RBMS2: variants seen among roughly 807,000 people sequenced by gnomAD.
The protein encoded by RBMS2 is RNA binding motif single stranded interacting protein 2.
In RBMS2, 38 loss-of-function variants were observed where a neutral mutation model predicts 58.4. That is an observed-to-expected ratio of 0.65 (90% CI 0.50 to 0.85). The LOEUF (loss-of-function observed/expected upper bound fraction) is 0.85, where lower values mean the gene tolerates loss of function less well. Ranked by LOEUF, RBMS2 falls within the 40% of genes least tolerant of loss-of-function variation. The probability of loss-of-function intolerance (pLI) is 0.00; values close to 1 mark genes in which losing one functional copy is unlikely to be tolerated. For missense variants in RBMS2, 367 were observed against 503.7 expected, an observed-to-expected ratio of 0.73 and a Z score of 2.60; for synonymous variants, 151 against 180.7, an observed-to-expected ratio of 0.84 and a Z score of 1.32.
chr12:56,581,478 T>G lies in RBMS2; in HGVS notation c.702T>G (p.Asn234Lys). 6.2e-7 allele frequency: 1 copy of G among 1,614,164 alleles called. No individual in the cohort carries two copies. Residue 234 changes from asparagine to lysine, a missense_variant, in exon 7 of 14, where the codon AAT (asparagine) becomes AAG (lysine). Physicochemically the swap from Asn to Lys is moderately conservative, Grantham distance 94 (BLOSUM62 0). Around this residue, in one of 3 missense-constraint regions of RBMS2, gnomAD observed 220 missense variants for 261.1 expected, o/e 0.84. Coordinates refer to ENST00000262031, the MANE Select transcript of RBMS2 (RefSeq NM_002898.4). ...KRQNQGKFVQ[N>K]GRAWPRNADM... ...AGAACCAAGGAAAATTTGTGCAAAA[T>G]GGACGGGCTTGGCCAAGGAATGCAG...
chr12:56,532,484 G>A (rs11171885), intron 1 of RBMS2, among the ~76,000 whole-genome samples: 62,816 of 151,300 alleles, frequency 0.42, 14,722 homozygotes, highest in East Asian at 0.59. Context: ...GGAGGTTGCA[G>A]TGAGCAAAGA....
chr12:56,575,511 A>T (rs1882979384), intron 5 of RBMS2, among the ~76,000 whole-genome samples: 1 of 151,820 alleles, frequency 6.6e-6, no homozygotes, highest in African/African-American at 2.4e-5. Flanking sequence ...GGATGGAGCT[A>T]TGGGCCCATA....
At chr12:56,575,555 C>T (rs1882990134) in intron 5 of RBMS2, among the ~76,000 whole-genome samples, 1 of 151,674 alleles carries the variant, frequency 6.6e-6, no homozygotes. Flanking sequence ...CCCCTTACCC[C>T]TACACCCCCC....
intron 5 of RBMS2, among the ~76,000 whole-genome samples, chr12:56,576,809 G>T (rs902368456): frequency 1.3e-5 from 2 of 152,032 alleles, no homozygotes; most frequent in African/African-American, 4.8e-5. Context: ...GGGAGGCTGA[G>T]GTGGGCGGAT....
At chr12:56,523,451 G>C (rs1232528584) in intron 1 of RBMS2, among the ~76,000 whole-genome samples, 1 of 152,104 alleles carries the variant, frequency 6.6e-6, no homozygotes, top group Non-Finnish European at 1.5e-5. Flanking sequence ...GTAACATGTT[G>C]TATACCTTAA....
rs71081373 is a variant in RBMS2 at position 56,530,350 on chromosome 12, C to CTTTTTT, written c.66+8284_66+8289dup. Among the ~76,000 whole-genome samples the CTTTTTT allele has an allele frequency of 6.3e-5, 4 of 63,772 alleles. 1 individual carries two copies. Among genetic ancestry groups the CTTTTTT allele is most frequent in the Non-Finnish European group, 9.3e-5 (3 of 32,258 alleles). 41.8% of individuals were successfully genotyped at this position (63,772 alleles called of 152,430 possible). A position where few individuals can be genotyped will look rare whatever the true frequency, so the allele number is the denominator to read the frequency against. ...CTGTCAAGAGAGAATTTTCTTTTTC[C>CTTTTTT]TTTTTTTTTTTTTTTTTTTTTTTTT... is the stretch of plus-strand genomic sequence containing the variant. On this transcript the variant is annotated intron_variant, in intron 1 of 13. Transcript: ENST00000262031.
intron 9 of RBMS2, among the ~76,000 whole-genome samples, chr12:56,585,113 G>T (rs1884512328): frequency 6.6e-6 from 1 of 152,160 alleles, no homozygotes; most frequent in Non-Finnish European, 1.5e-5. Flanking sequence ...GTGAGCCACT[G>T]CGCCCGGCTA....
intron 1 of RBMS2, among the ~76,000 whole-genome samples, chr12:56,549,687 A>G (rs1877880991): frequency 6.6e-6 from 1 of 152,110 alleles, no homozygotes; most frequent in African/African-American, 2.4e-5. Context: ...CTAGTTTGAA[A>G]TGGTTCTCAA....
In RBMS2 at chr12:56,581,423, A is replaced by G. The variant is rs575794871; in HGVS notation, c.647A>G (p.Lys216Arg). The G allele has an allele frequency of 3.7e-6, 6 of 1,614,190 alleles. No homozygotes were observed. Among genetic ancestry groups the G allele is most frequent in the South Asian group, 3.3e-5 (3 of 91,072 alleles). The change falls in exon 7 of 14, where the codon AAA becomes AGA. Residue 216 changes from lysine to arginine, a missense_variant. Lys to Arg is a conservative substitution (Grantham distance 26). Around this residue, in one of 3 missense-constraint regions of RBMS2, gnomAD observed 220 missense variants for 261.1 expected, o/e 0.84. Coordinates refer to ENST00000262031, the MANE Select transcript of RBMS2 (RefSeq NM_002898.4). The stretch of plus-strand genomic sequence containing the variant: ...GCCCCATCCGATCCCTTGCTTTGCA[A>G]ATTTGCTGATGGCGGGCCAAAGAAA... Reference protein sequence around the residue: ...VPAPSDPLLCKFADGGPKKRQ... With the variant: ...VPAPSDPLLCRFADGGPKKRQ...
chr12:56,554,782 G>A (rs1878928755), intron 1 of RBMS2, among the ~76,000 whole-genome samples: 1 of 152,102 alleles, frequency 6.6e-6, no homozygotes, highest in African/African-American at 2.4e-5. Context: ...ATTAACAGTG[G>A]TAGTGGCGGT....
In RBMS2 at chr12:56,594,938, A is replaced by ACTC. The variant is rs535216898; in HGVS notation, c.*5806_*5808dup. The ACTC allele has an allele frequency of 1.2e-3, 175 of 152,076 alleles. No homozygotes were observed. Among genetic ancestry groups the ACTC allele is most frequent in the African/African-American group, 4.1e-3 (170 of 41,414 alleles). 9.4% of individuals were successfully genotyped at this position (152,076 alleles called of 1,614,324 possible). A position where few individuals can be genotyped will look rare whatever the true frequency, so the allele number is the denominator to read the frequency against. On this transcript the variant is annotated 3_prime_UTR_variant, in exon 14 of 14. Coordinates refer to ENST00000262031, the MANE Select transcript of RBMS2 (RefSeq NM_002898.4). ...GCTAGAAAAGGCTCATAATTTTTAA[A>ACTC]CTCTTGGGAATTAAACTTGGGAATT... is the stretch of plus-strand genomic sequence containing the variant.
chr12:56,581,506 A>G lies in RBMS2; in HGVS notation c.730A>G (p.Met244Val). 2 of 1,612,778 alleles carry G rather than the reference A, an allele frequency of 1.2e-6. No individual in the cohort carries two copies. Among genetic ancestry groups the G allele is most frequent in the Non-Finnish European group, 1.7e-6 (2 of 1,178,722 alleles). The stretch of plus-strand genomic sequence containing the variant: ...ACGGGCTTGGCCAAGGAATGCAGAC[A>G]TGGTAAGAGGACCTCTGAGGAGACA... ...NGRAWPRNAD[M>V]GVMALTYDPT... The change falls in exon 7 of 14, where the codon ATG becomes GTG. Residue 244 changes from methionine to valine, a missense_variant and splice_region_variant. By Grantham distance (21) the Met-to-Val change is conservative (BLOSUM62 1). Transcript: ENST00000262031.
intron 1 of RBMS2, among the ~76,000 whole-genome samples, chr12:56,561,765 C>G (rs540390511): frequency 2.5e-4 from 16 of 63,520 alleles, no homozygotes; most frequent in South Asian, 1.8e-3. Flanking sequence ...TCCACCCCCC[C>G]CCTCCTTGGC....
In RBMS2 at chr12:56,589,486, A is replaced by C; in HGVS notation, c.*353A>C. 3.9e-6 allele frequency: 1 copy of C among 256,898 alleles called. No homozygotes were observed. The allele number at this position is 256,898 out of a possible 1,614,324, so 15.9% of individuals were successfully genotyped here. A position where few individuals can be genotyped will look rare whatever the true frequency, so the allele number is the denominator to read the frequency against. ...GTGGTCGCAGCTTCTCATCTATATG[A>C]AAAAGTTTTCGATGTATTGGAATTA... On this transcript the variant is annotated 3_prime_UTR_variant, in exon 14 of 14. Coordinates refer to ENST00000262031, the MANE Select transcript of RBMS2 (RefSeq NM_002898.4).
chr12:56,584,846 C>T (rs1350498686), intron 9 of RBMS2, among the ~76,000 whole-genome samples: 2 of 146,088 alleles, frequency 1.4e-5, no homozygotes, highest in Non-Finnish European at 3.0e-5. Flanking sequence ...TTTTTGTGAC[C>T]GAGTTTCGCT....
chr12:56,530,817 TTTG>T (rs1040564913), intron 1 of RBMS2, among the ~76,000 whole-genome samples: 26 of 152,298 alleles, frequency 1.7e-4, no homozygotes, highest in African/African-American at 6.0e-4. Context: ...TCTGATCCTT[TTTG>T]TTGTTGTTGC....
rs1464783526 is a variant in RBMS2 at position 56,595,376 on chromosome 12, T to A, written c.*6243T>A. 6.6e-6 allele frequency: 1 copy of A among 152,172 alleles called. No homozygotes were observed. The highest frequency in any genetic ancestry group is 2.4e-5 in the African/African-American group (1 of 41,424). 9.4% of individuals were successfully genotyped at this position (152,172 alleles called of 1,614,324 possible). A position where few individuals can be genotyped will look rare whatever the true frequency, so the allele number is the denominator to read the frequency against. ...TTGGGTGGGTAAACACCTCTTTGCA[T>A]GTGGACAGAAAATGTTTATACTTAA... On this transcript the variant is annotated 3_prime_UTR_variant, in exon 14 of 14. Coordinates refer to ENST00000262031, the MANE Select transcript of RBMS2 (RefSeq NM_002898.4).
chr12:56,522,565 G>A (rs759275445), intron 1 of RBMS2, among the ~76,000 whole-genome samples: 4 of 152,116 alleles, frequency 2.6e-5, no homozygotes, highest in Non-Finnish European at 5.9e-5. Flanking sequence ...AACCACAACA[G>A]TTTATCAAGA....
intron 9 of RBMS2, among the ~76,000 whole-genome samples, chr12:56,585,137 A>T (rs1884516690): frequency 6.6e-6 from 1 of 152,094 alleles, no homozygotes; most frequent in South Asian, 2.1e-4. Flanking sequence ...TTCTTGTCTT[A>T]ATTTAAAAAA....
Sources: gnomAD v4.1 joint callset for allele counts (sites outside exome capture counted in the v4.1 genomes callset) on GRCh38, gnomAD v4.1.1 for gene constraint, gnomAD v4.1.1 regional missense constraint, MANE v1.5 for transcripts, NCBI Gene and HGNC (gene_info 2026-07-23, HGNC 2026-07-21) for gene names.